The following IL1R1 variants were observed in gnomAD, a reference collection of about 807,000 sequenced individuals.
The protein encoded by IL1R1 is interleukin 1 receptor type 1.
IL1R1 carries 22 observed loss-of-function variants against 50.2 expected under a neutral mutation model. That is an observed-to-expected ratio of 0.44 (90% CI 0.31 to 0.63). IL1R1 has a LOEUF of 0.63. IL1R1 is among the 20% of genes least tolerant of loss of function. The pLI, the probability that IL1R1 is intolerant of heterozygous loss-of-function variation, is 0.07. For synonymous variants in IL1R1, 251 were observed against 236.7 expected, an observed-to-expected ratio of 1.06 and a Z score of -0.55; for missense variants, 509 against 676.2, an observed-to-expected ratio of 0.75 and a Z score of 2.74.
chr2:102,114,363 A>G (rs927795485), intron 1 of IL1R1, among the ~76,000 whole-genome samples: 1 of 152,266 alleles, frequency 6.6e-6, no homozygotes, highest in Non-Finnish European at 1.5e-5. Flanking sequence ...TGTCTGCTAA[A>G]GAATCTGTAA....
chr2:102,143,312 T>C (rs1300728608), intron 1 of IL1R1, among the ~76,000 whole-genome samples: 1 of 152,212 alleles, frequency 6.6e-6, no homozygotes, highest in Non-Finnish European at 1.5e-5. Flanking sequence ...TCAGGTTTTC[T>C]ATCCGGCTAC....
intron 2 of IL1R1, among the ~76,000 whole-genome samples, 196 bp downstream of exon 2, chr2:102,154,213 A>G (rs1055973629): frequency 1.3e-5 from 2 of 152,168 alleles, no homozygotes; most frequent in African/African-American, 4.8e-5. Flanking sequence ...AGCCCCAGTA[A>G]CAGCCAATGC....
chr2:102,172,031 C>CTTTTTTTTTTTTTTTTTTT (rs35265416), intron 8 of IL1R1, 113 bp downstream of exon 8: 2 of 87,248 alleles, frequency 2.3e-5, no homozygotes, highest in African/African-American at 4.8e-5. Flanking sequence ...CCTTTGCTGC[C>CTTTTTTTTTTTTTTTTTTT]TTTTTTTTTT....
intron 1 of IL1R1, among the ~76,000 whole-genome samples, chr2:102,072,391 G>T (rs1678771432): frequency 6.6e-6 from 1 of 152,112 alleles, no homozygotes; most frequent in African/African-American, 2.4e-5. Context: ...TAAAAGTTTG[G>T]CGCTTTATCC....
intron 1 of IL1R1, among the ~76,000 whole-genome samples, chr2:102,086,268 A>G (rs139250245): frequency 6.6e-6 from 1 of 152,258 alleles, no homozygotes; most frequent in Non-Finnish European, 1.5e-5. Flanking sequence ...TGTTGTTCCA[A>G]TGCCTTTTGG....
chr2:102,101,239 A>C (rs1321740504), upstream of IL1R1, among the ~76,000 whole-genome samples: 3 of 152,158 alleles, frequency 2.0e-5, no homozygotes, highest in African/African-American at 7.2e-5. Flanking sequence ...AGTTTAGACT[A>C]TACTGTTTTG....
rs1686205633 is a variant in IL1R1, at chr2:102,177,072, C to A, written c.*313C>A. The A allele has an allele frequency of 3.6e-6, 1 of 281,378 alleles. No individual in the cohort carries two copies. The highest frequency in any genetic ancestry group is 6.7e-6 in the Non-Finnish European group (1 of 148,372). 17.4% of individuals were successfully genotyped at this position (281,378 alleles called of 1,614,324 possible). On this transcript the variant is annotated 3_prime_UTR_variant, in exon 12 of 12. Coordinates refer to ENST00000410023, the MANE Select transcript of IL1R1 (RefSeq NM_000877.4). ...CCAGAGGTCAGGAGTTCGAGACCAG[C>A]CCAGCCAACATGGCAAAACCCCATC... is the stretch of plus-strand genomic sequence containing the variant.
Position 102,176,664 on chromosome 2 carries a change from C to G in IL1R1, c.1615C>G (p.Pro539Ala). 6.2e-7 allele frequency: 1 copy of G among 1,614,172 alleles called. No individual in the cohort carries two copies. Among genetic ancestry groups the G allele is most frequent in the Non-Finnish European group, 8.5e-7 (1 of 1,180,016 alleles). ...CTGGAAGAATGTCAGGTACCACATGCCAGTCCAGCGACGGTCACCTTCATC... is the reference window on the plus strand; with the variant it reads ...CTGGAAGAATGTCAGGTACCACATGGCAGTCCAGCGACGGTCACCTTCATC... ...RFWKNVRYHM[P>A]VQRRSPSSKH... Residue 539 changes from proline (P) to alanine (A), a missense_variant, in exon 12 of 12, where the codon CCA becomes GCA. By Grantham distance (27) the Pro-to-Ala change is conservative. Transcript: ENST00000410023.
chr2:102,104,217 G>A (rs887328417), upstream of IL1R1, among the ~76,000 whole-genome samples: 4 of 152,056 alleles, frequency 2.6e-5, no homozygotes, highest in Non-Finnish European at 5.9e-5. Context: ...TCTGGGACAC[G>A]AGCAGACCTG....
intron 1 of IL1R1, among the ~76,000 whole-genome samples, chr2:102,146,485 A>C (rs1683134376): frequency 6.6e-6 from 1 of 152,178 alleles, no homozygotes; most frequent in African/African-American, 2.4e-5. Context: ...TAGTGAGGTG[A>C]GCCATTGCTT....
intron 1 of IL1R1, among the ~76,000 whole-genome samples, chr2:102,136,847 C>T (rs1000508911): frequency 6.6e-6 from 1 of 152,176 alleles, no homozygotes; most frequent in African/African-American, 2.4e-5. Context: ...TTTTCTTCTT[C>T]CTTTGCTGAT....
At chr2:102,134,725 C>A (rs986877905) in intron 1 of IL1R1, among the ~76,000 whole-genome samples, 1 of 152,164 alleles carries the variant, frequency 6.6e-6, no homozygotes, top group Non-Finnish European at 1.5e-5. Context: ...AAAAAGCAAT[C>A]AATACTTTCT....
chr2:102,093,028 T>G (rs911647140), intron 1 of IL1R1, among the ~76,000 whole-genome samples: 3 of 152,226 alleles, frequency 2.0e-5, no homozygotes, highest in Admixed American at 6.5e-5. Context: ...ATTAGCAGTT[T>G]TGGAATAAGT....
At chr2:102,159,460 T>G (rs1227315365) in intron 3 of IL1R1, among the ~76,000 whole-genome samples, 1 of 152,204 alleles carries the variant, frequency 6.6e-6, no homozygotes, top group Admixed American at 6.5e-5. Flanking sequence ...AATGAGAGCC[T>G]GGTGCCTTCT....
At chr2:102,138,237 C>T (rs948387809), upstream of IL1R1, among the ~76,000 whole-genome samples, 3 of 152,154 alleles carry the variant, frequency 2.0e-5, no homozygotes, top group African/African-American at 4.8e-5. Context: ...TTAGGTGTAA[C>T]AGTACTTGGA....
intron 10 of IL1R1, among the ~76,000 whole-genome samples, chr2:102,175,137 A>G (rs1223153646): frequency 6.6e-6 from 1 of 151,942 alleles, no homozygotes; most frequent in Non-Finnish European, 1.5e-5. Context: ...AAAAAAAGGA[A>G]TACCACAATA....
chr2:102,083,541 G>GT (rs953778745), intron 1 of IL1R1, among the ~76,000 whole-genome samples: 3 of 152,130 alleles, frequency 2.0e-5, no homozygotes, highest in Non-Finnish European at 4.4e-5. Context: ...CCATCCTTGG[G>GT]TCCCTCTGTT....
chr2:102,112,337 T>TGA (rs1553626266), intron 1 of IL1R1, among the ~76,000 whole-genome samples: 1 of 140,710 alleles, frequency 7.1e-6, no homozygotes, highest in Non-Finnish European at 1.5e-5. Context: ...TGTGTGTGTG[T>TGA]GAGTGTGAGT....
intron 1 of IL1R1, among the ~76,000 whole-genome samples, chr2:102,110,796 C>T (rs905597660): frequency 2.6e-5 from 4 of 151,952 alleles, no homozygotes; most frequent in Admixed American, 6.6e-5. Context: ...CACAGGGATG[C>T]GTGGACCCTG....
Sources: allele counts gnomAD v4.1 joint callset (sites outside exome capture counted in the v4.1 genomes callset), GRCh38; gene constraint gnomAD v4.1.1; transcripts MANE v1.5; gene names NCBI Gene and HGNC (gene_info 2026-07-23, HGNC 2026-07-21).